Variants in MXRA5 observed in about 807,000 individuals in gnomAD.
MXRA5 encodes matrix-remodeling-associated protein 5.
A neutral mutation model predicts 112.5 loss-of-function variants in MXRA5; 41 were observed. That is an observed-to-expected ratio of 0.36 (90% CI 0.28 to 0.47). The LOEUF (loss-of-function observed/expected upper bound fraction) is 0.47, where lower values mean the gene tolerates loss of function less well. Among genes scored for constraint, MXRA5 ranks in the 20% least tolerant of loss-of-function variants. The pLI is 0.99. For synonymous variants in MXRA5, 862 were observed against 900.8 expected, an observed-to-expected ratio of 0.96 and a Z score of 0.77; for missense variants, 2,150 against 2,251.0, an observed-to-expected ratio of 0.96 and a Z score of 0.91.
chrX:3,312,034 G>C (rs1314906898), intron 6 of MXRA5, among the ~76,000 whole-genome samples: 1 of 112,171 alleles, frequency 8.9e-6, no homozygotes, highest in African/African-American at 3.2e-5. Flanking sequence ...ATTCTTCCTG[G>C]AGAAAATGCT....
intron 1 of MXRA5, among the ~76,000 whole-genome samples, chrX:3,346,250 G>A (rs746704771): frequency 8.9e-6 from 1 of 111,895 alleles, no homozygotes; most frequent in African/African-American, 3.2e-5. Flanking sequence ...AAGGAGGCAT[G>A]GGATGTCTGG....
rs202105527 is a variant in MXRA5, at chrX:3,330,196, C to A, written c.531G>T (p.Leu177Phe). Residue 177 changes from leucine to phenylalanine, a missense_variant, in exon 4 of 7, where the codon TTG becomes TTT. Around this residue, in one of 6 missense-constraint regions of MXRA5, gnomAD observed 386 missense variants for 411.0 expected, o/e 0.94. Transcript: ENST00000217939. ...TTATGGTGGAGAGTCTGAAATAATC[C>A]AAAAATGTGAACGTGGAGAAGGTGC... Reference protein sequence around the residue: ...HPSTFSTFTFLDYFRLSTIRH... With the variant: ...HPSTFSTFTFFDYFRLSTIRH... The A allele has an allele frequency of 9.9e-5, 119 of 1,207,309 alleles. No homozygotes were observed. The highest frequency in any genetic ancestry group is 1.3e-4 in the Non-Finnish European group (113 of 893,996).
intron 6 of MXRA5, among the ~76,000 whole-genome samples, chrX:3,314,232 A>G: frequency 8.9e-6 from 1 of 111,984 alleles, no homozygotes; most frequent in Middle Eastern, 4.2e-3. Flanking sequence ...TTTTGTATCT[A>G]GCTCAGGGTT....
chrX:3,320,975 C>T lies in MXRA5; in HGVS notation c.4710G>A (p.Leu1570=). 8.3e-7 allele frequency: 1 copy of T among 1,211,968 alleles called. No homozygotes were observed. Among genetic ancestry groups the T allele is most frequent in the Non-Finnish European group, 1.1e-6 (1 of 895,529 alleles). Residue 1570 remains leucine (L), a synonymous_variant, in exon 5 of 7, where the codon TTG becomes TTA. Coordinates refer to ENST00000217939, the MANE Select transcript of MXRA5 (RefSeq NM_015419.4). ...TPSSDQDAFN[L]STKLELEKQV... is the part of the protein sequence containing the mutation. ...GCTTTTCCAATTCCAGCTTTGTAGA[C>T]AAGTTAAATGCATCCTGGTCGGAAG...
intron 6 of MXRA5, among the ~76,000 whole-genome samples, chrX:3,313,298 C>T (rs1238157842): frequency 1.8e-5 from 2 of 112,617 alleles, no homozygotes; most frequent in Non-Finnish European, 3.8e-5. Flanking sequence ...CTCGCTCTGT[C>T]ACCCAGGCTG....
chrX:3,321,492 G>C lies in MXRA5; in HGVS notation c.4193C>G (p.Thr1398Ser). 1.7e-6 allele frequency: 2 copies of C among 1,211,231 alleles called. No homozygotes were observed. The highest frequency in any genetic ancestry group is 2.2e-6 in the Non-Finnish European group (2 of 895,192). The change falls in exon 5 of 7, where the codon ACC (threonine) becomes AGC (serine). Residue 1398 changes from threonine (T) to serine (S), a missense_variant. Thr to Ser is a moderately conservative substitution (Grantham distance 58). This residue lies in a region of MXRA5 where 1,485 missense variants were observed against 1,471.6 expected (regional missense o/e 1.01). Coordinates refer to ENST00000217939, the MANE Select transcript of MXRA5 (RefSeq NM_015419.4). ...GTCTGTAAGATTTTCCCCAGAAGTGGTAACAGGTATGCCTGTCTGTAGCCT... is the reference window on the plus strand; with the variant it reads ...GTCTGTAAGATTTTCCCCAGAAGTGCTAACAGGTATGCCTGTCTGTAGCCT... ...PGRLQTGIPV[T>S]TSGENLTDPP...
chrX:3,324,154 T>C lies in MXRA5; in HGVS notation c.1531A>G (p.Ile511Val), dbSNP rs369752975. The change falls in exon 5 of 7, where the codon ATC (isoleucine) becomes GTC (valine). Residue 511 changes from isoleucine (I) to valine (V), a missense_variant. Ile to Val is a conservative substitution (Grantham distance 29). Transcript: ENST00000217939. ...CNVKASESPSIFWVLPDGSIL... is the reference protein window; with the variant it reads ...CNVKASESPSVFWVLPDGSIL... Reference sequence around the variant, plus strand: ...GAGCCATCTGGAAGCACCCAGAAGATAGATGGACTCTCAGAAGCTTTCACG... The same window carrying C: ...GAGCCATCTGGAAGCACCCAGAAGACAGATGGACTCTCAGAAGCTTTCACG... 133 of 1,209,484 alleles carry C rather than the reference T, an allele frequency of 1.1e-4. 1 individual carries two copies. Among genetic ancestry groups the C allele is most frequent in the Non-Finnish European group, 1.5e-4 (130 of 895,168 alleles).
rs1209735314 is a variant in MXRA5, at chrX:3,317,754, C to T, written c.5927G>A (p.Gly1976Glu). Residue 1976 changes from glycine (G) to glutamate (E), a missense_variant, in exon 6 of 7, where the codon GGG becomes GAG. Gly to Glu is a moderately conservative substitution (Grantham distance 98, BLOSUM62 -2). Around this residue, in one of 6 missense-constraint regions of MXRA5, gnomAD observed 1,485 missense variants for 1,471.6 expected, o/e 1.01. Transcript: ENST00000217939. ...CCAGGAAATTTGGGGGGCTGGGGTC[C>T]CTTTGGCCAGACACTCCATTGCAAT... ...DTIAMECLAK[G>E]TPAPQISWIF... 1 of 1,209,022 alleles carries T rather than the reference C, an allele frequency of 8.3e-7. No individual in the cohort carries two copies. The highest frequency in any genetic ancestry group is 1.1e-6 in the Non-Finnish European group (1 of 893,918).
rs769301587 is a variant in MXRA5 at position 3,330,412 on chromosome X, C to A, written c.319-4G>T. The A allele has an allele frequency of 2.5e-6, 3 of 1,185,421 alleles. No individual in the cohort carries two copies. In the East Asian group the frequency reaches 9.0e-5, roughly 35 times the overall value. ...TGTTGTAGCTGAACTTGAAAACCTGCAAGGACAGGGGAAAACAAAACAAAA... is the reference window on the plus strand; with the variant it reads ...TGTTGTAGCTGAACTTGAAAACCTGAAAGGACAGGGGAAAACAAAACAAAA... On this transcript the variant is annotated splice_region_variant and splice_polypyrimidine_tract_variant and intron_variant, in intron 3 of 6. Coordinates refer to ENST00000217939, the MANE Select transcript of MXRA5 (RefSeq NM_015419.4).
rs781768107 is a variant in MXRA5, at chrX:3,320,722, C to A, written c.4963G>T (p.Ala1655Ser). Residue 1655 changes from alanine (A) to serine (S), a missense_variant, in exon 5 of 7, where the codon GCT (alanine) becomes TCT (serine). This residue lies in a region of MXRA5 where 1,485 missense variants were observed against 1,471.6 expected (regional missense o/e 1.01). Transcript: ENST00000217939. Reference sequence around the variant, plus strand: ...GTAAACTGTTTGTTCTCTGGCAAAGCCCCAGAAGGATATGTAGTTATTTCC... The same window carrying A: ...GTAAACTGTTTGTTCTCTGGCAAAGACCCAGAAGGATATGTAGTTATTTCC... ...KPEITTYPSG[A>S]LPENKQFTTP... 2 of 1,211,385 alleles carry A rather than the reference C, an allele frequency of 1.7e-6. No individual in the cohort carries two copies. The highest frequency in any genetic ancestry group is 3.5e-5 in the South Asian group (2 of 56,974).
chrX:3,336,711 A>G (rs1314086219), intron 2 of MXRA5, among the ~76,000 whole-genome samples: 1 of 112,513 alleles, frequency 8.9e-6, no homozygotes. Context: ...TTTTACTTTA[A>G]AAAATTGCAA....
At position 3,309,849 on chromosome X, in the gene MXRA5, C is replaced by G; in HGVS notation, c.8354G>C (p.Gly2785Ala). 1.6e-5 allele frequency: 19 copies of G among 1,211,564 alleles called. No individual in the cohort carries two copies. Among genetic ancestry groups the G allele is most frequent in the Non-Finnish European group, 1.9e-5 (17 of 895,499 alleles). Residue 2785 changes from glycine (G) to alanine (A), a missense_variant, in exon 7 of 7, where the codon GGA becomes GCA. Around this residue, in one of 6 missense-constraint regions of MXRA5, gnomAD observed 178 missense variants for 198.2 expected, o/e 0.90. Transcript: ENST00000217939. ...TCCCTGGGGGTGAAGAAATCTGTTT[C>G]CATACAGACGAGCCTGAACCCCTGC... ...LKAGVQARLY[G>A]NRFLHPQGSL...
rs1921276999 is a variant in MXRA5, at chrX:3,320,763, T to C, written c.4922A>G (p.His1641Arg). The change falls in exon 5 of 7, where the codon CAC becomes CGC. Residue 1641 changes from histidine to arginine, a missense_variant. His to Arg is a conservative substitution (Grantham distance 29). This residue lies in a region of MXRA5 where 1,485 missense variants were observed against 1,471.6 expected (regional missense o/e 1.01). Transcript: ENST00000217939. ...AGTTATTTCCGGTTTGTTGGTCCAG[T>C]GACGAGGTGACTGGGAAGTTACAAA... ...RYFVTSQSPR[H>R]WTNKPEITTY... The C allele has an allele frequency of 8.3e-7, 1 of 1,210,491 alleles. No homozygotes were observed. The highest frequency in any genetic ancestry group is 1.7e-5 in the African/African-American group (1 of 57,242).
At chrX:3,341,359 GTATATATAATATATATTATTAT>G (rs1317031628) in intron 2 of MXRA5, among the ~76,000 whole-genome samples, 10 of 32,986 alleles carry the variant, frequency 3.0e-4, no homozygotes, top group African/African-American at 1.1e-3. Flanking sequence ...TATATATTAT[GTATATATAATATATATTATTAT>G]TATATATAAT....
rs1353668490 is a variant in MXRA5 at position 3,320,233 on chromosome X, A to C, written c.5452T>G (p.Phe1818Val). ...GAGGACTGGACAGAAGATGTTATAAAGGAGATAGAACTCTGGGTGGAAGAG... is the reference window on the plus strand; with the variant it reads ...GAGGACTGGACAGAAGATGTTATAACGGAGATAGAACTCTGGGTGGAAGAG... Reference protein sequence around the residue: ...MVSSTQSSISFITSSVQSSGS... With the variant: ...MVSSTQSSISVITSSVQSSGS... The change falls in exon 5 of 7, where the codon TTT becomes GTT. Residue 1818 changes from phenylalanine to valine, a missense_variant. Around this residue, in one of 6 missense-constraint regions of MXRA5, gnomAD observed 1,485 missense variants for 1,471.6 expected, o/e 1.01. Coordinates refer to ENST00000217939, the MANE Select transcript of MXRA5 (RefSeq NM_015419.4). 6.6e-6 allele frequency: 8 copies of C among 1,209,302 alleles called. No homozygotes were observed. Among genetic ancestry groups the C allele is most frequent in the African/African-American group, 3.5e-5 (2 of 57,121 alleles).
intron 2 of MXRA5, among the ~76,000 whole-genome samples, chrX:3,338,063 G>A (rs1921820263): frequency 9.0e-6 from 1 of 111,347 alleles, no homozygotes; most frequent in African/African-American, 3.3e-5. Context: ...AGGGGAGACT[G>A]GCCAACCGAC....
chrX:3,327,240 G>A (rs373602949), intron 4 of MXRA5, among the ~76,000 whole-genome samples: 1 of 111,423 alleles, frequency 9.0e-6, no homozygotes, highest in African/African-American at 3.3e-5. Flanking sequence ...TTTTCTGTGT[G>A]ACTTTCAAAG....
rs769049311 is a variant in MXRA5 at position 3,323,043 on chromosome X, C to T, written c.2642G>A (p.Ser881Asn). Residue 881 changes from serine (S) to asparagine (N), a missense_variant, in exon 5 of 7, where the codon AGC (serine) becomes AAC (asparagine). By Grantham distance (46) the Ser-to-Asn change is conservative. Around this residue, in one of 6 missense-constraint regions of MXRA5, gnomAD observed 1,485 missense variants for 1,471.6 expected, o/e 1.01. Coordinates refer to ENST00000217939, the MANE Select transcript of MXRA5 (RefSeq NM_015419.4). ...GVILVEPEVTSTPLEEVVDDL... is the reference protein window; with the variant it reads ...GVILVEPEVTNTPLEEVVDDL... ...ATCAACAACTTCCTCCAGAGGTGTG[C>T]TTGTTACTTCAGGTTCAACAAGAAT... 1 of 1,211,698 alleles carries T rather than the reference C, an allele frequency of 8.3e-7. No homozygotes were observed. The highest frequency in any genetic ancestry group is 1.1e-6 in the Non-Finnish European group (1 of 895,507).
Position 3,321,522 on chromosome X carries a change from G to C in MXRA5, c.4163C>G (p.Pro1388Arg). The change falls in exon 5 of 7, where the codon CCT becomes CGT. Residue 1388 changes from proline to arginine, a missense_variant. Transcript: ENST00000217939. ...PTWNPSRTAQ[P>R]GRLQTGIPVT... is the part of the protein sequence containing the mutation. ...AGGTATGCCTGTCTGTAGCCTCCCA[G>C]GCTGGGCCGTCCTTGAGGGATTCCA... 1 of 1,210,547 alleles carries C rather than the reference G, an allele frequency of 8.3e-7. No homozygotes were observed.
Sources: gnomAD v4.1 joint callset for allele counts (sites outside exome capture counted in the v4.1 genomes callset) on GRCh38, gnomAD v4.1.1 for gene constraint, gnomAD v4.1.1 regional missense constraint, MANE v1.5 for transcripts, NCBI Gene and HGNC (gene_info 2026-07-23, HGNC 2026-07-21) for gene names.